The following ITGA6 variants were observed in gnomAD, a reference collection of about 807,000 sequenced individuals.
ITGA6 encodes the protein integrin subunit alpha 6, also known as integrin alpha-6.
ITGA6 carries 63 observed loss-of-function variants against 133.6 expected under a neutral mutation model. The observed-to-expected ratio is 0.47, with a 90% confidence interval of 0.38 to 0.58. The LOEUF (loss-of-function observed/expected upper bound fraction) is 0.58. Ranked by LOEUF, ITGA6 falls within the 20% of genes least tolerant of loss-of-function variation. The pLI is 0.00. For synonymous variants in ITGA6, 434 were observed against 482.0 expected (o/e 0.90, Z 1.30); for missense variants, 1,068 against 1,309.4 (o/e 0.82, Z 2.85).
chr2:172,494,786 T>C (rs1002298644), intron 23 of ITGA6, among the ~76,000 whole-genome samples: 1 of 152,098 alleles, frequency 6.6e-6, no homozygotes, highest in Non-Finnish European at 1.5e-5. Flanking sequence ...CCAGGGAAAT[T>C]GAGGGGGATT....
intron 19 of ITGA6, among the ~76,000 whole-genome samples, chr2:172,488,586 T>G (rs186697699): frequency 1.3e-5 from 2 of 152,338 alleles, no homozygotes; most frequent in Middle Eastern, 3.4e-3. Flanking sequence ...GGTATATGCC[T>G]GTAGGAAAGG....
At chr2:172,432,593 A>C (rs1205954327) in intron 1 of ITGA6, among the ~76,000 whole-genome samples, 1 of 152,168 alleles carries the variant, frequency 6.6e-6, no homozygotes, top group Non-Finnish European at 1.5e-5. Flanking sequence ...CTCTGAGGAA[A>C]CGGAATCTGT....
rs1384396596 is a variant in ITGA6 at position 172,476,701 on chromosome 2, A to T, written c.1388+188A>T. ...CCTATTTTCTAAAATCTTTTAAAGT[A>T]TCTGAGGAAAACATAGATCCAAGTT... On this transcript the variant is annotated intron_variant, in intron 9 of 25. Coordinates refer to ENST00000684293, the MANE Select transcript of ITGA6 (RefSeq NM_000210.4). Among the ~76,000 whole-genome samples, 5 of 152,220 alleles carry T rather than the reference A, an allele frequency of 3.3e-5. 1 individual carries two copies. The highest frequency in any genetic ancestry group is 1.2e-4 in the African/African-American group (5 of 41,464).
intron 23 of ITGA6, among the ~76,000 whole-genome samples, chr2:172,492,849 TTC>T (rs1250970576): frequency 6.6e-6 from 1 of 152,236 alleles, no homozygotes; most frequent in Non-Finnish European, 1.5e-5. Context: ...TCCCTAATCA[TTC>T]TGTTTTCTGA....
intron 1 of ITGA6, among the ~76,000 whole-genome samples, chr2:172,436,372 C>A (rs1684320799): frequency 6.6e-6 from 1 of 152,214 alleles, no homozygotes; most frequent in Non-Finnish European, 1.5e-5. Context: ...AAAGCACCTT[C>A]TAAGGCTTGC....
intron 1 of ITGA6, among the ~76,000 whole-genome samples, chr2:172,450,992 T>TAC (rs1684972203): frequency 6.7e-6 from 1 of 148,286 alleles, no homozygotes; most frequent in African/African-American, 2.5e-5. Flanking sequence ...TGTATATATA[T>TAC]ACACACACAA....
chr2:172,502,633 C>A (rs772191952), intron 25 of ITGA6, among the ~76,000 whole-genome samples: 3 of 152,176 alleles, frequency 2.0e-5, no homozygotes, highest in Non-Finnish European at 4.4e-5. Flanking sequence ...ACAAAAAATA[C>A]CCTGAACAGT....
At chr2:172,429,475 G>A (rs2148988417) in intron 1 of ITGA6, among the ~76,000 whole-genome samples, 1 of 152,332 alleles carries the variant, frequency 6.6e-6, no homozygotes, top group East Asian at 1.9e-4. Flanking sequence ...CTCTGCACCA[G>A]AGCCCCACTG....
At chr2:172,456,743 A>ATG (rs1685224534) in intron 1 of ITGA6, among the ~76,000 whole-genome samples, 1 of 152,208 alleles carries the variant, frequency 6.6e-6, no homozygotes, top group Non-Finnish European at 1.5e-5. Flanking sequence ...CAGCTCTCTG[A>ATG]TGTAGGGGTC....
In ITGA6 at chr2:172,456,941, ATT is replaced by A. The variant is rs759454718; in HGVS notation, c.183-8595_183-8594del. 8.0e-3 allele frequency among the ~76,000 whole-genome samples: 1,214 copies of A among 152,326 alleles called. 11 individuals are homozygous for A. Among genetic ancestry groups the A allele is most frequent in the South Asian group, 0.034 (165 of 4,826 alleles). Reference sequence around the variant, plus strand: ...GGCTAATCTAAAAGGACCTCAATCCATTTTAGTTGTGAATGCTGATAGAGGTT... The same window carrying A: ...GGCTAATCTAAAAGGACCTCAATCCATTAGTTGTGAATGCTGATAGAGGTT... On this transcript the variant is annotated intron_variant, in intron 1 of 25. Coordinates refer to ENST00000684293, the MANE Select transcript of ITGA6 (RefSeq NM_000210.4).
intron 1 of ITGA6, among the ~76,000 whole-genome samples, chr2:172,461,039 G>A (rs992956940): frequency 1.3e-5 from 2 of 152,196 alleles, no homozygotes; most frequent in African/African-American, 4.8e-5. Context: ...CTCTTTGGGG[G>A]AGAACTTGAA....
Position 172,465,572 on chromosome 2 carries a change from T to C in ITGA6, c.216T>C (p.Leu72=). ...TGGGGGCCCCGCGGGCAGAAGCGCT[T>C]CCACTGCAGAGAGCCAACAGAACGG... ...LLVGAPRAEA[L]PLQRANRTGG... Residue 72 remains leucine, a synonymous_variant, in exon 2 of 26, where the codon CTT becomes CTC. Coordinates refer to ENST00000684293, the MANE Select transcript of ITGA6 (RefSeq NM_000210.4). The C allele has an allele frequency of 1.2e-6, 2 of 1,614,220 alleles. No individual in the cohort carries two copies. Among genetic ancestry groups the C allele is most frequent in the African/African-American group, 2.7e-5 (2 of 75,060 alleles).
At chr2:172,443,514 A>G (rs986964984) in intron 1 of ITGA6, among the ~76,000 whole-genome samples, 6 of 152,258 alleles carry the variant, frequency 3.9e-5, no homozygotes, top group African/African-American at 7.2e-5. Flanking sequence ...GGCTGCCCTC[A>G]TTCCTTTCTA....
chr2:172,480,656 G>A (rs1287195665), intron 11 of ITGA6, among the ~76,000 whole-genome samples: 1 of 152,148 alleles, frequency 6.6e-6, no homozygotes, highest in African/African-American at 2.4e-5. Context: ...ATATGAGTTT[G>A]CTTTCCTGTC....
In ITGA6 at chr2:172,477,931, T is replaced by C. The variant is rs573757051; in HGVS notation, c.1388+1418T>C. On this transcript the variant is annotated intron_variant, in intron 9 of 25. Transcript: ENST00000684293. ...AGTAAATAAACACCAATTTTAAACATGAGGCAGCCAAACTAATAAGACTTA... is the reference window on the plus strand; with the variant it reads ...AGTAAATAAACACCAATTTTAAACACGAGGCAGCCAAACTAATAAGACTTA... Among the ~76,000 whole-genome samples, 12 of 152,324 alleles carry C rather than the reference T, an allele frequency of 7.9e-5. No individual in the cohort carries two copies. In the South Asian group the frequency reaches 1.7e-3, roughly 21 times the overall value.
At chr2:172,476,569 A>C in intron 9 of ITGA6, 56 bp downstream of exon 9, 2 of 1,041,280 alleles carry the variant, frequency 1.9e-6, no homozygotes, top group Non-Finnish European at 3.0e-6. Flanking sequence ...TTATACTAAA[A>C]TGTTGACCTT....
chr2:172,498,244 G>C, intron 24 of ITGA6, 144 bp downstream of exon 24: 1 of 772,290 alleles, frequency 1.3e-6, no homozygotes, highest in African/African-American at 1.8e-5. Context: ...GCAAATTTGA[G>C]GAAAATTTTA....
At position 172,437,469 on chromosome 2, in the gene ITGA6, A is replaced by G. The variant is rs973142171; in HGVS notation, c.182+9499A>G. ...GACAGAGTAGAGAAGAATGTGTCCA[A>G]AGTTTTTGACCTGAGCAGCTGGAAG... is the stretch of plus-strand genomic sequence containing the variant. On this transcript the variant is annotated intron_variant, in intron 1 of 25. Coordinates refer to ENST00000684293, the MANE Select transcript of ITGA6 (RefSeq NM_000210.4). Among the ~76,000 whole-genome samples the G allele has an allele frequency of 3.9e-5, 6 of 152,176 alleles. No individual in the cohort carries two copies. The East Asian group carries it at 7.7e-4, about 20-fold the overall frequency.
At chr2:172,483,973 G>A (rs1267816403) in intron 11 of ITGA6, among the ~76,000 whole-genome samples, 2 of 152,086 alleles carry the variant, frequency 1.3e-5, no homozygotes, top group African/African-American at 4.8e-5. Context: ...ACCAAGCCCA[G>A]CTAATTTTTG....
Sources: gnomAD v4.1 joint callset for allele counts (sites outside exome capture counted in the v4.1 genomes callset) on GRCh38, gnomAD v4.1.1 for gene constraint, MANE v1.5 for transcripts, NCBI Gene and HGNC (gene_info 2026-07-23, HGNC 2026-07-21) for gene names.